The following GSDMD variants were observed in gnomAD, a reference collection of about 807,000 sequenced individuals.
GSDMD encodes the protein gasdermin-D.
Under a neutral mutation model 46.7 loss-of-function variants are expected in GSDMD, and 46 were observed. That is an observed-to-expected ratio of 0.99 (90% CI 0.78 to 1.26). The LOEUF (loss-of-function observed/expected upper bound fraction) is 1.26. Among genes scored for constraint, GSDMD ranks in the 50% most tolerant of loss-of-function variants. The pLI, the probability that GSDMD is intolerant of heterozygous loss-of-function variation, is 0.00. For missense variants in GSDMD, 649 were observed against 638.8 expected (o/e 1.02, Z -0.17); for synonymous variants, 307 against 283.1 (o/e 1.08, Z -0.85).
Position 143,561,034 on chromosome 8 carries a change from GA to G in GSDMD, c.613del (p.Thr205ArgfsTer61). The G allele has an allele frequency of 6.2e-7, 1 of 1,613,034 alleles. No homozygotes were observed. The highest frequency in any genetic ancestry group is 8.5e-7 in the Non-Finnish European group (1 of 1,179,958). On this transcript the variant is annotated frameshift_variant, in exon 5 of 11. Transcript: ENST00000262580. LOFTEE classifies it high-confidence loss of function. ...GCCAGGGCCATCTGAGCCAGAAGAA[GA>G]CGGTCACCATCCCCTCAGGCAGCAC... ...EGQGHLSQKK[T>X]VTIPSGSTLA...
At position 143,562,843 on chromosome 8, in the gene GSDMD, G is replaced by C. The variant is rs776717465; in HGVS notation, c.1394G>C (p.Arg465Pro). Residue 465 changes from arginine (R) to proline (P), a missense_variant, in exon 11 of 11, where the codon CGC (arginine) becomes CCC (proline). Physicochemically the swap from Arg to Pro is moderately radical, Grantham distance 103. Coordinates refer to ENST00000262580, the MANE Select transcript of GSDMD (RefSeq NM_024736.7). ...TGCTGGGAGCCGCAGGCCCAGGGCC[G>C]CATGTGTGCACTCTACGCCTCCCTG... ...HVCWEPQAQG[R>P]MCALYASLAL... 31 of 1,611,920 alleles carry C rather than the reference G, an allele frequency of 1.9e-5. No homozygotes were observed. The highest frequency in any genetic ancestry group is 1.3e-4 in the African/African-American group (10 of 74,918).
chr8:143,562,084 G>A lies in GSDMD; in HGVS notation c.949G>A (p.Glu317Lys). Residue 317 changes from glutamate (E) to lysine (K), a missense_variant, in exon 8 of 11, where the codon GAG (glutamate) becomes AAG (lysine). Physicochemically the swap from Glu to Lys is moderately conservative, Grantham distance 56 (BLOSUM62 1). Transcript: ENST00000262580. ...GTGCCAGCTGCTGCTGGAGGGCCTG[G>A]AGGGGGTGCTGCGGGACCAGCTGGC... ...ELCQLLLEGL[E>K]GVLRDQLALR... 6.3e-7 allele frequency: 1 copy of A among 1,597,424 alleles called. No homozygotes were observed. Among genetic ancestry groups the A allele is most frequent in the Non-Finnish European group, 8.5e-7 (1 of 1,177,336 alleles).
In GSDMD at chr8:143,558,608, G is replaced by A. The variant is rs1482662177; in HGVS notation, c.-5+157G>A. On this transcript the variant is annotated intron_variant, in intron 1 of 10. Transcript: ENST00000262580. ...GGCGGAAGCTCCAGGCTTCGGGAAAGGCTGCCCCTGGCCAGCCCAGGGGCC... is the reference window on the plus strand; with the variant it reads ...GGCGGAAGCTCCAGGCTTCGGGAAAAGCTGCCCCTGGCCAGCCCAGGGGCC... 4 of 736,502 alleles carry A rather than the reference G, an allele frequency of 5.4e-6. No homozygotes were observed. The African/African-American group carries it at 5.7e-5, about 10-fold the overall frequency. The allele number at this position is 736,502 out of a possible 1,614,324, so 45.6% of individuals were successfully genotyped here. A position where few individuals can be genotyped will look rare whatever the true frequency, so the allele number is the denominator to read the frequency against.
chr8:143,562,261 G>A lies in GSDMD; in HGVS notation c.1049G>A (p.Gly350Asp). 3 of 1,559,580 alleles carry A rather than the reference G, an allele frequency of 1.9e-6. No homozygotes were observed. The highest frequency in any genetic ancestry group is 2.6e-6 in the Non-Finnish European group (3 of 1,153,480). ...GPVEPLDGPA[G>D]AVLECLVLSS... ...GTGGAGCCCCTGGACGGTCCAGCAG[G>A]TGCTGTCCTGGAGTGCCTGGTGTTG... The change falls in exon 9 of 11, where the codon GGT (glycine) becomes GAT (aspartate). Residue 350 changes from glycine to aspartate, a missense_variant. Gly to Asp is a moderately conservative substitution (Grantham distance 94). Transcript: ENST00000262580.
chr8:143,554,147 T>C (rs1334526696), upstream of GSDMD, among the ~76,000 whole-genome samples: 1 of 152,258 alleles, frequency 6.6e-6, no homozygotes, highest in African/African-American at 2.4e-5. Flanking sequence ...GAGGCCCAGA[T>C]GGGCTCCCCT....
chr8:143,559,102 C>G (rs1037796404), intron 1 of GSDMD: 2 of 597,196 alleles, frequency 3.3e-6, no homozygotes, highest in Non-Finnish European at 6.0e-6. Context: ...CTGTCCCTGG[C>G]TGGAGGTGCT....
upstream of GSDMD, chr8:143,553,565 C>G (rs564252351): frequency 6.8e-6 from 1 of 146,828 alleles, no homozygotes; most frequent in Non-Finnish European, 1.5e-5. Flanking sequence ...CTCGCCCTCT[C>G]GCTGCAGGGT....
At chr8:143,559,259 A>C (rs1399932906) in intron 1 of GSDMD, 73 bp from the exon 2 acceptor site, 2 of 935,176 alleles carry the variant, frequency 2.1e-6, no homozygotes, top group Admixed American at 2.2e-5. Context: ...GGAGACATCC[A>C]AGTACTGACC....
intron 2 of GSDMD, 34 bp from the exon 3 acceptor site, chr8:143,559,743 G>T: frequency 6.4e-7 from 1 of 1,551,706 alleles, no homozygotes; most frequent in Non-Finnish European, 8.7e-7. Context: ...GAGGCGGGGC[G>T]CTGGGCACAG....
upstream of GSDMD, among the ~76,000 whole-genome samples, chr8:143,557,374 T>TGTG (rs1563902738): frequency 7.9e-5 from 8 of 101,902 alleles, no homozygotes; most frequent in East Asian, 4.3e-4. Context: ...ATGCTGCCGC[T>TGTG]ATGGCGAAGG....
intron 8 of GSDMD, 22 bp from the exon 9 acceptor site, chr8:143,562,187 C>A (rs1823479739): frequency 6.3e-7 from 1 of 1,589,716 alleles, no homozygotes; most frequent in Non-Finnish European, 8.5e-7. Context: ...GCCAGACTCA[C>A]CTGCCCTTCC....
chr8:143,560,728 A>G lies in GSDMD; in HGVS notation c.536A>G (p.Glu179Gly). 2 of 1,568,186 alleles carry G rather than the reference A, an allele frequency of 1.3e-6. No homozygotes were observed. The highest frequency in any genetic ancestry group is 1.7e-6 in the Non-Finnish European group (2 of 1,156,726). Reference protein sequence around the residue: ...EVEVTRTHKREGSGRFSLPGA... With the variant: ...EVEVTRTHKRGGSGRFSLPGA... Reference sequence around the variant, plus strand: ...GAAGTCACGCGCACCCACAAGCGGGAGGGCTCGGGCCGGTTTTCCCTGCCC... The same window carrying G: ...GAAGTCACGCGCACCCACAAGCGGGGGGGCTCGGGCCGGTTTTCCCTGCCC... The change falls in exon 4 of 11, where the codon GAG becomes GGG. Residue 179 changes from glutamate to glycine, a missense_variant. Transcript: ENST00000262580.
chr8:143,553,440 C>T (rs1380725594), upstream of GSDMD: 1 of 146,234 alleles, frequency 6.8e-6, no homozygotes, highest in Admixed American at 6.7e-5. Flanking sequence ...GCAGAAGGGA[C>T]GTGGTGTTCC....
At chr8:143,561,170 G>A (rs1823451471) in intron 5 of GSDMD, 66 bp downstream of exon 5, 1 of 1,483,248 alleles carries the variant, frequency 6.7e-7, no homozygotes, top group African/African-American at 1.4e-5. Context: ...CCTGGGGAGA[G>A]CTACCCGCCA....
At chr8:143,553,437 G>C (rs1823246942), upstream of GSDMD, 1 of 146,134 alleles carries the variant, frequency 6.8e-6, no homozygotes, top group Admixed American at 6.7e-5. Flanking sequence ...GCAGCAGAAG[G>C]GACGTGGTGT....
Position 143,559,842 on chromosome 8 carries a change from G to T in GSDMD, c.283G>T (p.Glu95Ter). Residue 95 changes from glutamate to a stop codon, truncating the protein, a stop_gained, in exon 3 of 11, where the codon GAG becomes TAG. Coordinates refer to ENST00000262580, the MANE Select transcript of GSDMD (RefSeq NM_024736.7). LOFTEE classifies it high-confidence loss of function. ...GGATGGGCAGATACAGGGCAGCGTG[G>T]AGCTGGCAGCCCCAGGACAGGCAAA... is the stretch of plus-strand genomic sequence containing the variant. ...AMDGQIQGSVELAAPGQAKIA... is the reference protein window; with the variant it reads ...AMDGQIQGSV 6.2e-7 allele frequency: 1 copy of T among 1,612,632 alleles called. No individual in the cohort carries two copies. Among genetic ancestry groups the T allele is most frequent in the Non-Finnish European group, 8.5e-7 (1 of 1,179,902 alleles).
At chr8:143,559,728 G>A (rs1362134645) in intron 2 of GSDMD, 49 bp from the exon 3 acceptor site, 1 of 1,520,522 alleles carries the variant, frequency 6.6e-7, no homozygotes, top group African/African-American at 1.4e-5. Context: ...GGTGGGGGCG[G>A]GGGAGAGGCG....
At chr8:143,557,888 GTTGTTTGTTTGC>G (rs1300270201), upstream of GSDMD, 1 of 441,110 alleles carries the variant, frequency 2.3e-6, no homozygotes, top group African/African-American at 2.0e-5. Flanking sequence ...CAGGCCCAAA[GTTGTTTGTTTGC>G]TTGTTTGTTT....
At chr8:143,558,688 G>A (rs1823371245) in intron 1 of GSDMD, 9 of 571,212 alleles carry the variant, frequency 1.6e-5, no homozygotes, top group Non-Finnish European at 2.2e-5. Context: ...CCAGGTTCCC[G>A]GGCCGGTGCT....
Sources: allele counts gnomAD v4.1 joint callset (sites outside exome capture counted in the v4.1 genomes callset), GRCh38; gene constraint gnomAD v4.1.1; transcripts MANE v1.5; gene names NCBI Gene and HGNC (gene_info 2026-07-23, HGNC 2026-07-21).